Variants in PMP22 observed in about 807,000 individuals in gnomAD.
PMP22 encodes peripheral myelin protein 22.
Under a neutral mutation model 18.9 loss-of-function variants are expected in PMP22, and 2 were observed. That is an observed-to-expected ratio of 0.11 (90% CI 0.04 to 0.33). PMP22 has a LOEUF of 0.33. PMP22 is among the 10% of genes least tolerant of loss of function. The pLI is 1.00. For missense variants in PMP22, 169 were observed against 202.2 expected (o/e 0.84, Z 1.00); for synonymous variants, 95 against 89.2 (o/e 1.07, Z -0.37).
At chr17:15,247,150 AC>A (rs1327272093) in intron 3 of PMP22, among the ~76,000 whole-genome samples, 1 of 138,464 alleles carries the variant, frequency 7.2e-6, no homozygotes. Flanking sequence ...CGGGTGGATC[AC>A]GAGGTCAGGA....
intron 4 of PMP22, among the ~76,000 whole-genome samples, chr17:15,239,008 C>T (rs1272583221): frequency 6.6e-6 from 1 of 152,216 alleles, no homozygotes; most frequent in Non-Finnish European, 1.5e-5. Flanking sequence ...GGCTTCATCA[C>T]TACCTATTGG....
Position 15,258,633 on chromosome 17 carries a change from T to G in PMP22, c.178+461A>C. ...GCCCAAGACCTGGAAAGGCAGCCAG[T>G]CTTGTGTCCATGTAACTGACGGTGC... On this transcript the variant is annotated intron_variant, in intron 3 of 4. Coordinates refer to ENST00000312280, the MANE Select transcript of PMP22 (RefSeq NM_000304.4). The surrounding 1 kb of genome is among the most constrained non-coding windows in gnomAD (Gnocchi z 4.1). 1 of 230,518 alleles carries G rather than the reference T, an allele frequency of 4.3e-6. No homozygotes were observed. Among genetic ancestry groups the G allele is most frequent in the Non-Finnish European group, 8.7e-6 (1 of 114,452 alleles). 14.3% of individuals were successfully genotyped at this position (230,518 alleles called of 1,614,324 possible). A position where few individuals can be genotyped will look rare whatever the true frequency, so the allele number is the denominator to read the frequency against.
At chr17:15,232,277 G>C (rs954382063) in intron 4 of PMP22, 1 of 152,218 alleles carries the variant, frequency 6.6e-6, no homozygotes, top group Non-Finnish European at 1.5e-5. Context: ...GCAACTCAGA[G>C]GAGAAAACTG....
intron 4 of PMP22, among the ~76,000 whole-genome samples, chr17:15,234,706 T>C (rs1906635071): frequency 6.6e-6 from 1 of 152,192 alleles, no homozygotes; most frequent in East Asian, 1.9e-4. Flanking sequence ...TCCATAATCA[T>C]CCGTCCCTAA....
intron 4 of PMP22, among the ~76,000 whole-genome samples, chr17:15,235,765 T>C (rs1906747698): frequency 6.6e-6 from 1 of 152,036 alleles, no homozygotes; most frequent in Non-Finnish European, 1.5e-5. Context: ...TTTTTTCTTT[T>C]TTTTTGAGAC....
chr17:15,264,571 A>G (rs945315140), intron 1 of PMP22, among the ~76,000 whole-genome samples: 3 of 152,236 alleles, frequency 2.0e-5, no homozygotes, highest in African/African-American at 7.2e-5. Context: ...AGAAAAGTGC[A>G]TATATTGGGT....
chr17:15,258,298 C>G lies in PMP22; in HGVS notation c.178+796G>C, dbSNP rs1471718477. 6.6e-6 allele frequency among the ~76,000 whole-genome samples: 1 copy of G among 152,124 alleles called. No homozygotes were observed. Among genetic ancestry groups the G allele is most frequent in the Non-Finnish European group, 1.5e-5 (1 of 68,024 alleles). On this transcript the variant is annotated intron_variant, in intron 3 of 4. Coordinates refer to ENST00000312280, the MANE Select transcript of PMP22 (RefSeq NM_000304.4). The surrounding 1 kb of genome is among the most constrained non-coding windows in gnomAD (Gnocchi z 4.1). The stretch of plus-strand genomic sequence containing the variant: ...CAATCGCTATGGCCTACCCAGCCAC[C>G]AAAACAGCTCATCCTGTTTACCTCC...
chr17:15,250,703 T>C (rs897515571), intron 3 of PMP22, among the ~76,000 whole-genome samples: 2 of 152,192 alleles, frequency 1.3e-5, no homozygotes, highest in Non-Finnish European at 2.9e-5. Flanking sequence ...TCATGAGACC[T>C]GTTTTCTTCT....
rs77140776 is a variant in PMP22, at chr17:15,258,797, C to T, written c.178+297G>A. On this transcript the variant is annotated intron_variant, in intron 3 of 4. Coordinates refer to ENST00000312280, the MANE Select transcript of PMP22 (RefSeq NM_000304.4). The surrounding 1 kb of genome is among the most constrained non-coding windows in gnomAD (Gnocchi z 4.1). ...AGGCTTAGCTATCATACCACCTTCACAGCTCCCAGGTCGATATTTTTTTCA... is the reference window on the plus strand; with the variant it reads ...AGGCTTAGCTATCATACCACCTTCATAGCTCCCAGGTCGATATTTTTTTCA... 6,623 of 430,460 alleles carry T rather than the reference C, an allele frequency of 0.015. 322 individuals carry two copies. In the East Asian group the frequency reaches 0.16, roughly 10 times the overall value. 26.7% of individuals were successfully genotyped at this position (430,460 alleles called of 1,614,324 possible).
intron 3 of PMP22, among the ~76,000 whole-genome samples, chr17:15,241,679 C>A (rs1196112229): frequency 6.6e-6 from 1 of 152,158 alleles, no homozygotes; most frequent in Non-Finnish European, 1.5e-5. Flanking sequence ...AACCTAAATA[C>A]TTCTTGAAAC....
chr17:15,255,889 G>A (rs1908782079), intron 3 of PMP22, among the ~76,000 whole-genome samples: 1 of 152,132 alleles, frequency 6.6e-6, no homozygotes, highest in Non-Finnish European at 1.5e-5. Context: ...GCCTTCCAAG[G>A]GAGTGATTCA....
intron 2 of PMP22, among the ~76,000 whole-genome samples, chr17:15,259,746 C>T (rs1184827156): frequency 1.3e-5 from 2 of 151,218 alleles, no homozygotes; most frequent in Admixed American, 1.3e-4. Flanking sequence ...TTGAGACAAG[C>T]CTGGCCAACA....
chr17:15,260,635 C>G lies in PMP22; in HGVS notation c.78+15G>C. On this transcript the variant is annotated intron_variant, in intron 2 of 4. Transcript: ENST00000312280. ...AGGGCGGGCCGCGCAGGGAGCCTCC[C>G]CGCCAGGCACTCACGCTGACGATCG... The G allele has an allele frequency of 6.4e-7, 1 of 1,550,668 alleles. No individual in the cohort carries two copies. The highest frequency in any genetic ancestry group is 2.0e-5 in the Admixed American group (1 of 51,022).
intron 3 of PMP22, among the ~76,000 whole-genome samples, chr17:15,247,032 T>G (rs1255397059): frequency 1.5e-5 from 2 of 130,940 alleles, no homozygotes; most frequent in Non-Finnish European, 3.1e-5. Context: ...ATCACACCAC[T>G]GCACTCCAGC....
At chr17:15,234,212 AC>A (rs1906597531) in intron 4 of PMP22, among the ~76,000 whole-genome samples, 1 of 152,250 alleles carries the variant, frequency 6.6e-6, no homozygotes, top group South Asian at 2.1e-4. Flanking sequence ...GGCCAGCATG[AC>A]CGCCTGGTGT....
chr17:15,255,011 G>A (rs899859939), intron 3 of PMP22, among the ~76,000 whole-genome samples: 142 of 152,286 alleles, frequency 9.3e-4, no homozygotes, highest in African/African-American at 3.3e-3. Context: ...GAAATAGAGA[G>A]AGAGAAGCCT....
chr17:15,260,842 C>CT (rs965764277), intron 1 of PMP22, 81 bp from the exon 2 acceptor site: 2 of 996,744 alleles, frequency 2.0e-6, no homozygotes, highest in Admixed American at 2.0e-5. Flanking sequence ...GTCCCGCGCA[C>CT]TAGCGGAAGG....
intron 3 of PMP22, among the ~76,000 whole-genome samples, chr17:15,252,553 T>A (rs1597624517): frequency 6.6e-6 from 1 of 152,210 alleles, no homozygotes; most frequent in African/African-American, 2.4e-5. Context: ...GGGCTGCAGG[T>A]ACTGCCCTTA....
At chr17:15,264,709 C>A (rs1015251190) in intron 1 of PMP22, among the ~76,000 whole-genome samples, 1 of 152,186 alleles carries the variant, frequency 6.6e-6, no homozygotes, top group African/African-American at 2.4e-5. Flanking sequence ...CTCTGGCCTC[C>A]TGCCTGGTTC....
Sources: allele counts gnomAD v4.1 joint callset (sites outside exome capture counted in the v4.1 genomes callset), GRCh38; gene constraint gnomAD v4.1.1; non-coding constraint Gnocchi (gnomAD v3.1); transcripts MANE v1.5; gene names NCBI Gene and HGNC (gene_info 2026-07-23, HGNC 2026-07-21).